Variants in TAF12 observed in about 807,000 individuals in gnomAD.
The protein encoded by TAF12 is transcription initiation factor TFIID subunit 12.
Under a neutral mutation model 20.8 loss-of-function variants are expected in TAF12, and 3 were observed. That is an observed-to-expected ratio of 0.14 (90% CI 0.07 to 0.37). The LOEUF is 0.37. Ranked by LOEUF, TAF12 falls within the 10% of genes least tolerant of loss-of-function variation. The pLI, the probability that TAF12 is intolerant of heterozygous loss-of-function variation, is 1.00. For synonymous variants in TAF12, 69 were observed against 70.2 expected (o/e 0.98, Z 0.09); for missense variants, 131 against 197.9 (o/e 0.66, Z 2.03).
chr1:28,633,775 G>T (rs1667721565), intron 1 of TAF12, among the ~76,000 whole-genome samples: 1 of 151,574 alleles, frequency 6.6e-6, no homozygotes, highest in African/African-American at 2.4e-5. Flanking sequence ...AGCTGGGCAT[G>T]GTGGTGCATG....
upstream of TAF12, among the ~76,000 whole-genome samples, chr1:28,646,653 C>T (rs1274463234): frequency 1.3e-5 from 2 of 151,922 alleles, no homozygotes; most frequent in East Asian, 3.9e-4. Context: ...GCCTCAGCTC[C>T]CTAGTAGCTA....
At chr1:28,614,791 A>G (rs1478875899) in intron 3 of TAF12, among the ~76,000 whole-genome samples, 5 of 152,152 alleles carry the variant, frequency 3.3e-5, no homozygotes, top group Non-Finnish European at 5.9e-5. Flanking sequence ...TGTGAAGAGA[A>G]GGATGAGAAT....
chr1:28,633,269 C>T (rs926915910), intron 1 of TAF12, among the ~76,000 whole-genome samples: 4 of 150,360 alleles, frequency 2.7e-5, no homozygotes, highest in Non-Finnish European at 4.4e-5. Flanking sequence ...CGGGTTCAAG[C>T]GATTCTACTG....
At chr1:28,612,732 G>A (rs1181544663) in intron 4 of TAF12, among the ~76,000 whole-genome samples, 2 of 151,664 alleles carry the variant, frequency 1.3e-5, no homozygotes, top group Non-Finnish European at 2.9e-5. Context: ...TGTCTGTTAA[G>A]TAGAAAAGGA....
rs191177725 is a variant in TAF12 at position 28,635,157 on chromosome 1, G to A, written c.-85+7835C>T. Reference sequence around the variant, plus strand: ...AAGCAGGAGAATAGCGCGAACCCGGGAGGTGGAGCTTGCAGTGAGCCGAGA... The same window carrying A: ...AAGCAGGAGAATAGCGCGAACCCGGAAGGTGGAGCTTGCAGTGAGCCGAGA... On this transcript the variant is annotated intron_variant, in intron 1 of 5. Coordinates refer to ENST00000373824, the MANE Select transcript of TAF12 (RefSeq NM_005644.4). Among the ~76,000 whole-genome samples the A allele has an allele frequency of 2.7e-3, 407 of 149,776 alleles. 1 individual carries two copies. Among genetic ancestry groups the A allele is most frequent in the African/African-American group, 9.6e-3 (394 of 40,850 alleles).
At chr1:28,620,164 C>T (rs1252926181) in intron 2 of TAF12, among the ~76,000 whole-genome samples, 5 of 149,938 alleles carry the variant, frequency 3.3e-5, no homozygotes, top group Non-Finnish European at 7.4e-5. Flanking sequence ...GACGGAATCT[C>T]GTTCTATCAC....
intron 1 of TAF12, among the ~76,000 whole-genome samples, chr1:28,636,278 G>GT (rs1392217346): frequency 6.6e-6 from 1 of 152,184 alleles, no homozygotes; most frequent in Non-Finnish European, 1.5e-5. Context: ...TGGGAGGACT[G>GT]TTTGAGGTTA....
intron 3 of TAF12, among the ~76,000 whole-genome samples, chr1:28,617,019 C>G (rs1445937308): frequency 1.3e-5 from 2 of 152,028 alleles, no homozygotes; most frequent in African/African-American, 4.8e-5. Context: ...ACTCAGGAGG[C>G]TGAGGCAGGA....
upstream of TAF12, among the ~76,000 whole-genome samples, chr1:28,645,388 G>A (rs1333689813): frequency 1.2e-4 from 17 of 147,584 alleles, no homozygotes; most frequent in East Asian, 2.7e-3. Flanking sequence ...CCTGGCTCAC[G>A]CCTGTAATCC....
intron 2 of TAF12, among the ~76,000 whole-genome samples, chr1:28,620,893 G>A (rs1006525542): frequency 7.2e-5 from 11 of 151,994 alleles, no homozygotes; most frequent in Non-Finnish European, 1.6e-4. Context: ...CACCTAATTC[G>A]AGCCTTCACT....
rs1389497372 is a variant in TAF12 at position 28,603,383 on chromosome 1, A to G, written c.*156T>C. On this transcript the variant is annotated 3_prime_UTR_variant, in exon 6 of 6. Coordinates refer to ENST00000373824, the MANE Select transcript of TAF12 (RefSeq NM_005644.4). ...GTAGGAGGCTTTATTCTTTTGGCAGATCCTCTCAGTCATTATAGATATTGC... is the reference window on the plus strand; with the variant it reads ...GTAGGAGGCTTTATTCTTTTGGCAGGTCCTCTCAGTCATTATAGATATTGC... The G allele has an allele frequency of 1.4e-6, 1 of 713,130 alleles. No homozygotes were observed. The highest frequency in any genetic ancestry group is 2.9e-5 in the Admixed American group (1 of 34,804). 44.2% of individuals were successfully genotyped at this position (713,130 alleles called of 1,614,324 possible). A position where few individuals can be genotyped will look rare whatever the true frequency, so the allele number is the denominator to read the frequency against.
chr1:28,622,123 G>C lies in TAF12; in HGVS notation c.-42C>G. On this transcript the variant is annotated 5_prime_UTR_variant, in exon 2 of 6. In the 5' UTR this introduces an upstream ATG that the reference lacks. Coordinates refer to ENST00000373824, the MANE Select transcript of TAF12 (RefSeq NM_005644.4). ...GACTTCAGCTCATAGAGCTTATCGA[G>C]ATCCTGTTTCTTTTTGGAGCTGTGA... 2 of 1,567,872 alleles carry C rather than the reference G, an allele frequency of 1.3e-6. No homozygotes were observed. Among genetic ancestry groups the C allele is most frequent in the African/African-American group, 2.7e-5 (2 of 72,750 alleles).
At chr1:28,634,394 C>T (rs375559281) in intron 1 of TAF12, among the ~76,000 whole-genome samples, 7 of 129,762 alleles carry the variant, frequency 5.4e-5, no homozygotes, top group African/African-American at 1.2e-4. Flanking sequence ...CCAGCTTGGG[C>T]GACAGAGCGA....
chr1:28,648,129 G>C, intron 1 of TAF12: 9 of 982,754 alleles, frequency 9.2e-6, no homozygotes, highest in Non-Finnish European at 1.1e-5. Flanking sequence ...CCAAGGTGGT[G>C]GCTAGGGGTG....
chr1:28,623,903 A>G, intron 1 of TAF12: 2 of 944,088 alleles, frequency 2.1e-6, no homozygotes, highest in Non-Finnish European at 2.5e-6. Context: ...GATCAGAAGC[A>G]CATTCACCAA....
chr1:28,636,293 T>C (rs1667820501), intron 1 of TAF12, among the ~76,000 whole-genome samples: 2 of 152,024 alleles, frequency 1.3e-5, no homozygotes, highest in Admixed American at 6.6e-5. Flanking sequence ...AGGTTAGGAG[T>C]TGGAGACCAG....
In TAF12 at chr1:28,603,560, G is replaced by C. The variant is rs1432121046; in HGVS notation, c.465C>G (p.Ile155Met). ...TGTGTTATTTCTTGGTTGTTTTCCG[G>C]ATCAATGCCATTCTCTGAAAGGAGA... ...TEAHKQRMAL[I>M]RKTTKK The change falls in exon 6 of 6, where the codon ATC becomes ATG. Residue 155 changes from isoleucine (I) to methionine (M), a missense_variant. Coordinates refer to ENST00000373824, the MANE Select transcript of TAF12 (RefSeq NM_005644.4). The C allele has an allele frequency of 1.2e-6, 2 of 1,613,582 alleles. No homozygotes were observed. The highest frequency in any genetic ancestry group is 1.7e-6 in the Non-Finnish European group (2 of 1,180,018).
rs572514147 is a variant in TAF12 at position 28,635,494 on chromosome 1, A to C, written c.-85+7498T>G. Reference sequence around the variant, plus strand: ...CTAATTTTTTGTATTTTTAGTAGACATGGGGTTTCACCGTGTTAGCCAGGA... The same window carrying C: ...CTAATTTTTTGTATTTTTAGTAGACCTGGGGTTTCACCGTGTTAGCCAGGA... On this transcript the variant is annotated intron_variant, in intron 1 of 5. Coordinates refer to ENST00000373824, the MANE Select transcript of TAF12 (RefSeq NM_005644.4). Among the ~76,000 whole-genome samples the C allele has an allele frequency of 1.3e-4, 19 of 151,430 alleles. 1 individual carries two copies. Among genetic ancestry groups the C allele is most frequent in the Middle Eastern group, 6.8e-3 (2 of 292 alleles).
rs758718350 is a variant in TAF12 at position 28,622,568 on chromosome 1, T to C, written c.-84-403A>G. Among the ~76,000 whole-genome samples, 4 of 151,926 alleles carry C rather than the reference T, an allele frequency of 2.6e-5. No individual in the cohort carries two copies. The East Asian group carries it at 7.7e-4, about 29-fold the overall frequency. Reference sequence around the variant, plus strand: ...CACAAAATTTAAACAAGGAAGCAAGTAAATGAAATGAAGAATCTTATGTAC... The same window carrying C: ...CACAAAATTTAAACAAGGAAGCAAGCAAATGAAATGAAGAATCTTATGTAC... On this transcript the variant is annotated intron_variant, in intron 1 of 5. Coordinates refer to ENST00000373824, the MANE Select transcript of TAF12 (RefSeq NM_005644.4).
Sources: gnomAD v4.1 joint callset for allele counts (sites outside exome capture counted in the v4.1 genomes callset) on GRCh38, gnomAD v4.1.1 for gene constraint, MANE v1.5 for transcripts, NCBI Gene and HGNC (gene_info 2026-07-23, HGNC 2026-07-21) for gene names.